LPP: variants seen among roughly 807,000 people sequenced by gnomAD.
LPP encodes the protein LIM domain containing preferred translocation partner in lipoma.
Under a neutral mutation model 60.4 loss-of-function variants are expected in LPP, and 38 were observed. The ratio of observed to expected loss-of-function variants is 0.63; its 90% CI spans 0.49 to 0.83. The LOEUF is 0.83. Among genes scored for constraint, LPP ranks in the 40% least tolerant of loss-of-function variants. The probability of loss-of-function intolerance (pLI) is 0.00; values close to 1 mark genes in which losing one functional copy is unlikely to be tolerated. For synonymous variants in LPP, 328 were observed against 290.8 expected, an observed-to-expected ratio of 1.13 and a Z score of -1.30; for missense variants, 902 against 783.6, an observed-to-expected ratio of 1.15 and a Z score of -1.80.
intron 5 of LPP, among the ~76,000 whole-genome samples, chr3:188,522,695 A>G (rs1479824011): frequency 6.6e-6 from 1 of 151,146 alleles, no homozygotes; most frequent in Non-Finnish European, 1.5e-5. Context: ...GGGTAGGGGA[A>G]TAACATGACG....
chr3:188,355,163 C>T (rs2150868467), intron 3 of LPP, among the ~76,000 whole-genome samples: 1 of 152,198 alleles, frequency 6.6e-6, no homozygotes, highest in South Asian at 2.1e-4. Flanking sequence ...CGCCCGCCAC[C>T]ACACCTGGCT....
intron 4 of LPP, among the ~76,000 whole-genome samples, chr3:188,442,455 C>T (rs1213881525): frequency 3.3e-5 from 5 of 152,156 alleles, no homozygotes; most frequent in African/African-American, 4.8e-5. Flanking sequence ...AATGTTGCTA[C>T]GTATTTTCTC....
chr3:188,302,014 CAT>C (rs1750047971), intron 2 of LPP, among the ~76,000 whole-genome samples: 1 of 151,454 alleles, frequency 6.6e-6, no homozygotes, highest in Non-Finnish European at 1.5e-5. Flanking sequence ...CATATTGTAA[CAT>C]TCTCAGGGAG....
chr3:188,275,719 A>G, intron 2 of LPP, among the ~76,000 whole-genome samples: 1 of 151,566 alleles, frequency 6.6e-6, no homozygotes, highest in Non-Finnish European at 1.5e-5. Context: ...TCTGTTGCCC[A>G]GACTGGAGTG....
intron 7 of LPP, among the ~76,000 whole-genome samples, chr3:188,639,353 A>G (rs1442239540): frequency 4.0e-5 from 6 of 150,012 alleles, no homozygotes; most frequent in African/African-American, 9.8e-5. Context: ...TACACCTTAT[A>G]CAAAAATCAA....
intron 9 of LPP, among the ~76,000 whole-genome samples, chr3:188,825,492 T>A (rs958516549): frequency 6.6e-6 from 1 of 152,098 alleles, no homozygotes; most frequent in Non-Finnish European, 1.5e-5. Context: ...CAGGGGGCTC[T>A]TGCTCTCCCA....
chr3:188,889,842 C>T lies in LPP; in HGVS notation c.*15363C>T. On this transcript the variant is annotated 3_prime_UTR_variant, in exon 12 of 12. Transcript: ENST00000617246. ...TTTTCACTAAAAATGCCTACTCTTC[C>T]TGTTGATGTTCCTTTTCTGTTTTTA... 1 of 214,618 alleles carries T rather than the reference C, an allele frequency of 4.7e-6. No homozygotes were observed. The highest frequency in any genetic ancestry group is 6.9e-5 in the East Asian group (1 of 14,418). 13.3% of individuals were successfully genotyped at this position (214,618 alleles called of 1,614,324 possible).
At chr3:188,288,355 T>C (rs530896178) in intron 2 of LPP, among the ~76,000 whole-genome samples, 8 of 152,180 alleles carry the variant, frequency 5.3e-5, no homozygotes, top group Non-Finnish European at 1.0e-4. Flanking sequence ...CAAAACACTT[T>C]CAGATCTCGT....
chr3:188,471,523 A>G (rs1167500604), intron 4 of LPP, among the ~76,000 whole-genome samples: 1 of 152,208 alleles, frequency 6.6e-6, no homozygotes. Context: ...GTTAAGATAA[A>G]AAGGAAAAGG....
chr3:188,861,128 G>T (rs541392402), intron 9 of LPP, among the ~76,000 whole-genome samples: 11 of 152,272 alleles, frequency 7.2e-5, no homozygotes, highest in Admixed American at 2.6e-4. Flanking sequence ...TTTAATATGT[G>T]CTTTTTTTGA....
intron 6 of LPP, among the ~76,000 whole-genome samples, chr3:188,588,045 G>T (rs973273599): frequency 3.3e-5 from 5 of 152,178 alleles, no homozygotes; most frequent in African/African-American, 1.2e-4. Context: ...GTTGTCCTGT[G>T]AAGAAAGAAT....
intron 9 of LPP, among the ~76,000 whole-genome samples, chr3:188,819,848 C>T (rs189211163): frequency 1.6e-4 from 25 of 152,180 alleles, no homozygotes; most frequent in African/African-American, 5.1e-4. Context: ...TGGTGGTCCA[C>T]GGGAAGGTTT....
chr3:188,467,953 T>C (rs1158052831), intron 4 of LPP, among the ~76,000 whole-genome samples: 1 of 152,190 alleles, frequency 6.6e-6, no homozygotes, highest in Non-Finnish European at 1.5e-5. Context: ...TGTGGTACTT[T>C]GTTGTAGTAA....
At chr3:188,652,198 A>G (rs1387432981) in intron 7 of LPP, among the ~76,000 whole-genome samples, 1 of 152,170 alleles carries the variant, frequency 6.6e-6, no homozygotes, top group African/African-American at 2.4e-5. Flanking sequence ...TTGCCAAGAA[A>G]TTGTTTTTGC....
At chr3:188,757,898 T>G (rs1166370735) in intron 8 of LPP, among the ~76,000 whole-genome samples, 3 of 146,636 alleles carry the variant, frequency 2.0e-5, no homozygotes, top group East Asian at 3.9e-4. Flanking sequence ...GGTTTTTTTT[T>G]TTTTTTTTTT....
chr3:188,729,134 A>G (rs1719499916), intron 8 of LPP, among the ~76,000 whole-genome samples: 1 of 152,218 alleles, frequency 6.6e-6, no homozygotes, highest in African/African-American at 2.4e-5. Flanking sequence ...AAGAGAAGAA[A>G]GATGTTAGAT....
chr3:188,401,001 G>A (rs1229079125), intron 3 of LPP, among the ~76,000 whole-genome samples: 4 of 152,140 alleles, frequency 2.6e-5, no homozygotes, highest in South Asian at 4.1e-4. Context: ...TTTAGAGAAA[G>A]AAAGCACTCT....
At chr3:188,567,464 C>T (rs878869809) in intron 6 of LPP, among the ~76,000 whole-genome samples, 1 of 151,772 alleles carries the variant, frequency 6.6e-6, no homozygotes, top group Admixed American at 6.6e-5. Flanking sequence ...TTAAGTGACA[C>T]CTGTTGGTTC....
intron 2 of LPP, among the ~76,000 whole-genome samples, chr3:188,293,609 T>TAGATGGG (rs1052509591): frequency 1.3e-5 from 2 of 152,168 alleles, no homozygotes; most frequent in Non-Finnish European, 2.9e-5. Context: ...TATTATTTGG[T>TAGATGGG]AGATGGGAGG....
Sources: gnomAD v4.1 joint callset for allele counts (sites outside exome capture counted in the v4.1 genomes callset) on GRCh38, gnomAD v4.1.1 for gene constraint, MANE v1.5 for transcripts, NCBI Gene and HGNC (gene_info 2026-07-23, HGNC 2026-07-21) for gene names.